Variants in CEP63 observed in about 807,000 individuals in gnomAD.
CEP63 encodes the protein centrosomal protein of 63 kDa.
CEP63 carries 84 observed loss-of-function variants against 89.1 expected under a neutral mutation model. The ratio of observed to expected loss-of-function variants is 0.94; its 90% CI spans 0.79 to 1.13. The LOEUF is 1.13. Among genes scored for constraint, CEP63 ranks in the 50% most tolerant of loss-of-function variants. The pLI is 0.00. For missense variants in CEP63, 838 were observed against 813.3 expected (o/e 1.03, Z -0.37); for synonymous variants, 267 against 272.5 (o/e 0.98, Z 0.20).
At chr3:134,657,029 A>G in the CEP63 span, among the ~76,000 whole-genome samples, 1 of 152,206 alleles carries the variant, frequency 6.6e-6, no homozygotes, top group Admixed American at 6.5e-5. Context: ...TATTATATAT[A>G]GGTGTGTTAG....
chr3:134,751,811 A>G, the CEP63 span, among the ~76,000 whole-genome samples: 2 of 152,112 alleles, frequency 1.3e-5, no homozygotes, highest in East Asian at 1.9e-4. Context: ...AGCACTTTCC[A>G]TTATTCAATA....
the CEP63 span, among the ~76,000 whole-genome samples, chr3:134,753,585 A>C: frequency 6.6e-6 from 1 of 152,216 alleles, no homozygotes; most frequent in Non-Finnish European, 1.5e-5. Flanking sequence ...CATGATTTCC[A>C]GAGTCTTTGC....
the CEP63 span, among the ~76,000 whole-genome samples, chr3:134,599,521 T>C: frequency 6.6e-6 from 1 of 152,202 alleles, no homozygotes; most frequent in African/African-American, 2.4e-5. Flanking sequence ...GGCTGGAAAG[T>C]TTCTGCATGT....
rs1957320489 is a variant in CEP63, at chr3:134,561,381, C to G, written c.1958C>G (p.Ser653Cys). ...NDQEEFISSC[S>C]LPVSPLGSIA... The stretch of plus-strand genomic sequence containing the variant: ...CAAAATTTGTGTCTCTTCCAGTGTT[C>G]CTTGCCTGTATCTCCCCTTGGTTCA... The change falls in exon 15 of 15, where the codon TCC becomes TGC. Residue 653 changes from serine (S) to cysteine (C), a missense_variant. Transcript: ENST00000675561. 2 of 1,613,584 alleles carry G rather than the reference C, an allele frequency of 1.2e-6. No homozygotes were observed. The highest frequency in any genetic ancestry group is 2.2e-5 in the South Asian group (2 of 91,070).
chr3:134,531,800 T>C (rs1318666930), intron 3 of CEP63, 45 bp from the exon 4 acceptor site: 5 of 1,327,444 alleles, frequency 3.8e-6, no homozygotes, highest in Non-Finnish European at 5.4e-6. Context: ...AGGGATGTTA[T>C]TTCAATGCTA....
At position 134,487,580 on chromosome 3, in the gene CEP63, A is replaced by C. The variant is rs538951772; in HGVS notation, c.-26+1378A>C. Among the ~76,000 whole-genome samples the C allele has an allele frequency of 4.1e-4, 62 of 152,268 alleles. 1 individual carries two copies. Among genetic ancestry groups the C allele is most frequent in the South Asian group, 3.9e-3 (19 of 4,826 alleles). On this transcript the variant is annotated intron_variant, in intron 1 of 14. Transcript: ENST00000675561. ...TGCTTCCTGCTTTCAAAAAATGTCA[A>C]CTTGACTTGAAATTCAGCTAAAGCC... is the stretch of plus-strand genomic sequence containing the variant.
chr3:134,608,581 G>A, the CEP63 span: 2 of 1,612,828 alleles, frequency 1.2e-6, no homozygotes, highest in Non-Finnish European at 1.7e-6. Flanking sequence ...TCTCAGGCGG[G>A]CTCCTGGAGG....
At chr3:134,536,070 T>C (rs944597728) in intron 5 of CEP63, 1 of 152,214 alleles carries the variant, frequency 6.6e-6, no homozygotes, top group Non-Finnish European at 1.5e-5. Flanking sequence ...ACCCAGAATA[T>C]TGTAACTTCA....
At chr3:134,707,514 G>A in the CEP63 span, among the ~76,000 whole-genome samples, 5 of 152,106 alleles carry the variant, frequency 3.3e-5, no homozygotes, top group Admixed American at 6.5e-5. Flanking sequence ...ATGTCTTCCT[G>A]TTCCTTGATA....
At chr3:134,594,777 AC>A in the CEP63 span, among the ~76,000 whole-genome samples, 614 of 152,346 alleles carry the variant, frequency 4.0e-3, 3 homozygotes, top group African/African-American at 0.014. Context: ...GGCAATGTTC[AC>A]TTCAAAAATT....
At chr3:134,658,456 T>C in the CEP63 span, among the ~76,000 whole-genome samples, 2 of 152,222 alleles carry the variant, frequency 1.3e-5, no homozygotes, top group Admixed American at 6.5e-5. Flanking sequence ...CTTTGATTAC[T>C]TGAAGCTCTT....
chr3:134,610,514 G>T, the CEP63 span: 1 of 760,830 alleles, frequency 1.3e-6, no homozygotes, highest in South Asian at 1.8e-5. Flanking sequence ...CTTGCTTCTT[G>T]TACTCACATA....
Position 134,558,295 on chromosome 3 carries a change from A to T in CEP63, c.1621A>T (p.Ile541Phe). The T allele has an allele frequency of 6.2e-7, 1 of 1,613,956 alleles. No homozygotes were observed. The highest frequency in any genetic ancestry group is 8.5e-7 in the Non-Finnish European group (1 of 1,179,892). ...TQMCKKQNDR[I>F]FKPTHSRTTE... Reference sequence around the variant, plus strand: ...GATGTGCAAAAAACAAAATGACAGGATCTTTAAACCAACACACAGCAGAAC... The same window carrying T: ...GATGTGCAAAAAACAAAATGACAGGTTCTTTAAACCAACACACAGCAGAAC... Residue 541 changes from isoleucine (I) to phenylalanine (F), a missense_variant, in exon 13 of 15, where the codon ATC (isoleucine) becomes TTC (phenylalanine). Ile to Phe is a conservative substitution (Grantham distance 21, BLOSUM62 0). Transcript: ENST00000675561.
intron 7 of CEP63, 108 bp from the exon 8 acceptor site, chr3:134,546,040 GA>G: frequency 1.6e-6 from 2 of 1,249,938 alleles, no homozygotes; most frequent in Non-Finnish European, 2.3e-6. Context: ...GGCTTCTCGT[GA>G]AATAGAAAAA....
the CEP63 span, among the ~76,000 whole-genome samples, chr3:134,694,909 G>C: frequency 6.6e-6 from 1 of 152,218 alleles, no homozygotes. Context: ...GTGTGGGCAC[G>C]TGTGTTTGTA....
At chr3:134,557,230 C>T (rs13434126) in intron 12 of CEP63, among the ~76,000 whole-genome samples, 1 of 152,000 alleles carries the variant, frequency 6.6e-6, no homozygotes, top group Non-Finnish European at 1.5e-5. Context: ...GATATTTTAT[C>T]TGGCATTGAC....
At chr3:134,586,222 T>A (rs1465339746) in intron 10 of CEP63, among the ~76,000 whole-genome samples, 1 of 152,196 alleles carries the variant, frequency 6.6e-6, no homozygotes, top group Admixed American at 6.5e-5. Context: ...TGTGTGAATT[T>A]GATCTTGTCA....
chr3:134,506,547 A>G (rs1943493505), intron 2 of CEP63, among the ~76,000 whole-genome samples: 3 of 152,168 alleles, frequency 2.0e-5, no homozygotes, highest in Admixed American at 1.3e-4. Flanking sequence ...TAACCAAACA[A>G]CTTGGGCTTT....
At chr3:134,648,041 GT>G in the CEP63 span, among the ~76,000 whole-genome samples, 52 of 152,338 alleles carry the variant, frequency 3.4e-4, no homozygotes, top group African/African-American at 1.3e-3. Context: ...TTGGGACCTG[GT>G]GATGCAACAG....
Sources: gnomAD v4.1 joint callset for allele counts (sites outside exome capture counted in the v4.1 genomes callset) on GRCh38, gnomAD v4.1.1 for gene constraint, MANE v1.5 for transcripts, NCBI Gene and HGNC (gene_info 2026-07-23, HGNC 2026-07-21) for gene names.